PRICKLE2: variants seen among roughly 807,000 people sequenced by gnomAD.
The protein encoded by PRICKLE2 is prickle-like protein 2.
Under a neutral mutation model 81.4 loss-of-function variants are expected in PRICKLE2, and 21 were observed. That is an observed-to-expected ratio of 0.26 (90% confidence interval 0.18 to 0.37). The LOEUF is 0.37. PRICKLE2 is among the 10% of genes least tolerant of loss of function. The pLI is 1.00. For synonymous variants in PRICKLE2, 456 were observed against 421.5 expected (o/e 1.08, Z -1.00); for missense variants, 940 against 1,109.0 (o/e 0.85, Z 2.16).
chr3:64,136,795 G>A (rs1189239922), intron 7 of PRICKLE2, among the ~76,000 whole-genome samples: 1 of 152,056 alleles, frequency 6.6e-6, no homozygotes, highest in East Asian at 1.9e-4. Flanking sequence ...CAATAAAAAA[G>A]GAAGTCAAAA....
Position 64,092,561 on chromosome 3 carries a change from G to C in PRICKLE2, c.*6490C>G. On this transcript the variant is annotated 3_prime_UTR_variant, in exon 8 of 8. Coordinates refer to ENST00000638394, the MANE Select transcript of PRICKLE2 (RefSeq NM_198859.4). ...CCTAATGTTGTGGATCAGACACGGG[G>C]AAATTGAATTTACATGCTGCCTTGG... 1 of 152,236 alleles carries C rather than the reference G, an allele frequency of 6.6e-6. No individual in the cohort carries two copies. Among genetic ancestry groups the C allele is most frequent in the East Asian group, 1.9e-4 (1 of 5,196 alleles). The allele number at this position is 152,236 out of a possible 1,614,324, so 9.4% of individuals were successfully genotyped here.
intron 2 of PRICKLE2, among the ~76,000 whole-genome samples, chr3:64,180,324 A>G (rs552262487): frequency 3.3e-5 from 5 of 152,314 alleles, no homozygotes; most frequent in African/African-American, 1.2e-4. Context: ...TAAAATATAC[A>G]GAATATAAAA....
chr3:64,202,770 AT>A (rs1302964384), intron 1 of PRICKLE2, among the ~76,000 whole-genome samples: 2 of 151,894 alleles, frequency 1.3e-5, no homozygotes, highest in Admixed American at 6.6e-5. Flanking sequence ...TCTTTATCAT[AT>A]CTTATTGCCC....
At chr3:64,255,306 G>GT (rs2107184032) in intron 2 of PRICKLE2, among the ~76,000 whole-genome samples, 1 of 152,286 alleles carries the variant, frequency 6.6e-6, no homozygotes, top group East Asian at 1.9e-4. Flanking sequence ...CTCAAGATTT[G>GT]CATTTATGTT....
At position 64,198,502 on chromosome 3, in the gene PRICKLE2, T is replaced by C. The variant is rs533966388; in HGVS notation, c.144+282A>G. Reference sequence around the variant, plus strand: ...GTACCAAGAAATACAAGAGGCTGTATTTCACTGAGAAAAATGTGGTACACC... The same window carrying C: ...GTACCAAGAAATACAAGAGGCTGTACTTCACTGAGAAAAATGTGGTACACC... On this transcript the variant is annotated intron_variant, in intron 2 of 7. Transcript: ENST00000638394. Among the ~76,000 whole-genome samples the C allele has an allele frequency of 3.9e-5, 6 of 152,226 alleles. No homozygotes were observed. In the East Asian group the frequency reaches 7.7e-4, roughly 20 times the overall value.
intron 2 of PRICKLE2, among the ~76,000 whole-genome samples, chr3:64,186,151 A>G (rs980954170): frequency 6.6e-6 from 1 of 152,228 alleles, no homozygotes; most frequent in Non-Finnish European, 1.5e-5. Context: ...ATATAGATAT[A>G]ATACAATATG....
chr3:64,259,524 A>G (rs554220781), intron 2 of PRICKLE2, among the ~76,000 whole-genome samples: 24 of 152,292 alleles, frequency 1.6e-4, no homozygotes, highest in African/African-American at 5.8e-4. Context: ...GTAGGTTGCA[A>G]AATGGCCTCC....
At chr3:64,127,742 C>T (rs769190024) in intron 7 of PRICKLE2, among the ~76,000 whole-genome samples, 5 of 151,700 alleles carry the variant, frequency 3.3e-5, no homozygotes, top group Non-Finnish European at 7.4e-5. Flanking sequence ...TGCCCTCCAG[C>T]GTCATCTCCT....
At chr3:64,163,316 G>C (rs1662197236) in intron 2 of PRICKLE2, 187 bp from the exon 3 acceptor site, 1 of 637,160 alleles carries the variant, frequency 1.6e-6, no homozygotes, top group Non-Finnish European at 2.8e-6. Context: ...GCAAGAGTCA[G>C]GCAAATCATC....
intron 1 of PRICKLE2, 89 bp from the exon 2 acceptor site, chr3:64,199,056 A>T (rs2078518107): frequency 8.4e-7 from 1 of 1,192,226 alleles, no homozygotes; most frequent in African/African-American, 1.5e-5. Flanking sequence ...CTGGATCCCA[A>T]ACCATAAACA....
intron 3 of PRICKLE2, among the ~76,000 whole-genome samples, chr3:64,162,665 A>T (rs1255627244): frequency 3.9e-5 from 6 of 152,164 alleles, no homozygotes; most frequent in African/African-American, 1.4e-4. Flanking sequence ...GGTCCAGGGG[A>T]TCTCAGTCAT....
intron 7 of PRICKLE2, among the ~76,000 whole-genome samples, chr3:64,110,508 G>A (rs152293): frequency 0.92 from 139,358 of 152,156 alleles, 64,880 homozygotes; most frequent in Non-Finnish European, 1. Flanking sequence ...CAAGGTGACC[G>A]TTACAGATAA....
chr3:64,126,117 G>C lies in PRICKLE2; in HGVS notation c.1660+20713C>G, dbSNP rs529120109. Among the ~76,000 whole-genome samples, 3 of 152,206 alleles carry C rather than the reference G, an allele frequency of 2.0e-5. No individual in the cohort carries two copies. In the East Asian group the frequency reaches 5.8e-4, roughly 29 times the overall value. ...TAAAAGCTATTTTTGCTTGTAATTAGAGAAAACAGTAAAATTTCATGAAAA... is the reference window on the plus strand; with the variant it reads ...TAAAAGCTATTTTTGCTTGTAATTACAGAAAACAGTAAAATTTCATGAAAA... On this transcript the variant is annotated intron_variant, in intron 7 of 7. Coordinates refer to ENST00000638394, the MANE Select transcript of PRICKLE2 (RefSeq NM_198859.4).
intron 2 of PRICKLE2, among the ~76,000 whole-genome samples, chr3:64,263,670 CATTAT>C (rs1388831578): frequency 6.6e-6 from 1 of 151,978 alleles, no homozygotes; most frequent in East Asian, 1.9e-4. Flanking sequence ...CTGTGGGAGG[CATTAT>C]GGATTGGAGG....
upstream of PRICKLE2, among the ~76,000 whole-genome samples, chr3:64,225,838 CT>C: frequency 6.6e-6 from 1 of 152,068 alleles, no homozygotes; most frequent in South Asian, 2.1e-4. Context: ...AATCAGAGCA[CT>C]CTTTTTTTAA....
intron 2 of PRICKLE2, among the ~76,000 whole-genome samples, chr3:64,164,745 G>A (rs2077798338): frequency 6.6e-6 from 1 of 152,194 alleles, no homozygotes; most frequent in Non-Finnish European, 1.5e-5. Context: ...AGAGAGCTAT[G>A]CCCAGGGGCA....
chr3:64,208,814 A>C (rs1473671250), intron 1 of PRICKLE2, among the ~76,000 whole-genome samples: 6 of 152,222 alleles, frequency 3.9e-5, no homozygotes, highest in African/African-American at 1.4e-4. Context: ...TTAAGGACCT[A>C]TGTCATCTGA....
intron 1 of PRICKLE2, among the ~76,000 whole-genome samples, chr3:64,216,345 C>A (rs2078871600): frequency 6.6e-6 from 1 of 152,144 alleles, no homozygotes; most frequent in Non-Finnish European, 1.5e-5. Flanking sequence ...TCAGAAAGTT[C>A]ATCAATTCTG....
intron 2 of PRICKLE2, among the ~76,000 whole-genome samples, chr3:64,250,077 C>T (rs183134870): frequency 6.6e-6 from 1 of 152,284 alleles, no homozygotes; most frequent in Non-Finnish European, 1.5e-5. Context: ...CCAAAGCAAG[C>T]ACTGGTCTCA....
Sources: allele counts gnomAD v4.1 joint callset (sites outside exome capture counted in the v4.1 genomes callset), GRCh38; gene constraint gnomAD v4.1.1; transcripts MANE v1.5; gene names NCBI Gene and HGNC (gene_info 2026-07-23, HGNC 2026-07-21).